The following NECAB1 variants were observed in gnomAD, a reference collection of about 807,000 sequenced individuals.
NECAB1 encodes the protein N-terminal EF-hand calcium binding protein 1, also known as N-terminal EF-hand calcium-binding protein 1.
In NECAB1, 29 loss-of-function variants were observed where a neutral mutation model predicts 57.5. The observed-to-expected ratio is 0.50, with a 90% confidence interval of 0.38 to 0.69. NECAB1 has a LOEUF of 0.69. NECAB1 is among the 30% of genes least tolerant of loss of function. The probability of loss-of-function intolerance (pLI) is 0.00; values close to 1 mark genes in which losing one functional copy is unlikely to be tolerated. For missense variants in NECAB1, 372 were observed against 413.8 expected, an observed-to-expected ratio of 0.90 and a Z score of 0.88; for synonymous variants, 142 against 147.7, an observed-to-expected ratio of 0.96 and a Z score of 0.28.
At chr8:90,884,305 A>T (rs753045360) in intron 5 of NECAB1, among the ~76,000 whole-genome samples, 10 of 152,116 alleles carry the variant, frequency 6.6e-5, no homozygotes, top group Non-Finnish European at 1.0e-4. Context: ...AGATCCCTTT[A>T]TCTCAATCTT....
At chr8:90,908,832 G>T (rs1391471204) in intron 5 of NECAB1, among the ~76,000 whole-genome samples, 3 of 152,030 alleles carry the variant, frequency 2.0e-5, no homozygotes, top group Non-Finnish European at 4.4e-5. Flanking sequence ...GATCCTTCTA[G>T]TAGTCACTTC....
chr8:90,902,303 C>A (rs1050004364), intron 5 of NECAB1, among the ~76,000 whole-genome samples: 1 of 152,048 alleles, frequency 6.6e-6, no homozygotes, highest in Non-Finnish European at 1.5e-5. Flanking sequence ...GCCTGTAGTC[C>A]CAACTATTCG....
intron 2 of NECAB1, among the ~76,000 whole-genome samples, chr8:90,803,383 T>G (rs1198128553): frequency 6.6e-6 from 1 of 152,090 alleles, no homozygotes; most frequent in African/African-American, 2.4e-5. Flanking sequence ...TTTTGCTCCC[T>G]CTCCACCCAA....
intron 5 of NECAB1, among the ~76,000 whole-genome samples, chr8:90,915,341 CTCAT>C (rs1809925426): frequency 1.3e-5 from 2 of 151,932 alleles, no homozygotes; most frequent in Admixed American, 1.3e-4. Flanking sequence ...ATTTTAAAAA[CTCAT>C]TCAGAGAGAA....
chr8:90,891,586 C>T (rs913829773), intron 5 of NECAB1, among the ~76,000 whole-genome samples: 2 of 151,734 alleles, frequency 1.3e-5, no homozygotes, highest in Non-Finnish European at 2.9e-5. Context: ...TAAAAAATGT[C>T]ATTCTTGATC....
At chr8:90,880,469 A>G (rs1586080068) in intron 4 of NECAB1, among the ~76,000 whole-genome samples, 2 of 151,892 alleles carry the variant, frequency 1.3e-5, no homozygotes, top group Admixed American at 1.3e-4. Context: ...AATCCACTAT[A>G]TTATTTATTC....
At chr8:90,925,938 C>A (rs367789804) in intron 7 of NECAB1, among the ~76,000 whole-genome samples, 2 of 152,090 alleles carry the variant, frequency 1.3e-5, no homozygotes, top group African/African-American at 4.8e-5. Flanking sequence ...AAAGACTTGA[C>A]GTCTATAAGG....
At chr8:90,824,639 G>C (rs907490338) in intron 2 of NECAB1, 78 bp from the exon 3 acceptor site, 1 of 879,300 alleles carries the variant, frequency 1.1e-6, no homozygotes. Context: ...CAAGCGTTTG[G>C]GTGAAGTTTT....
At chr8:90,954,914 A>G (rs576577809) in intron 12 of NECAB1, among the ~76,000 whole-genome samples, 1 of 148,024 alleles carries the variant, frequency 6.8e-6, no homozygotes, top group South Asian at 2.1e-4. Flanking sequence ...ATGTATGTGT[A>G]TACAAATGCA....
chr8:90,881,400 A>G (rs1808833961), intron 5 of NECAB1, among the ~76,000 whole-genome samples: 1 of 152,172 alleles, frequency 6.6e-6, no homozygotes, highest in South Asian at 2.1e-4. Context: ...ACTAAGTAGT[A>G]TGTTTTGGAT....
chr8:90,872,239 T>A, intron 4 of NECAB1, 86 bp downstream of exon 4: 1 of 1,053,892 alleles, frequency 9.5e-7, no homozygotes, highest in Non-Finnish European at 1.4e-6. Context: ...ACCTTGGAAT[T>A]AATGTTGTAT....
intron 5 of NECAB1, among the ~76,000 whole-genome samples, chr8:90,901,252 T>A (rs999525180): frequency 3.0e-5 from 4 of 134,280 alleles, no homozygotes; most frequent in Non-Finnish European, 4.7e-5. Flanking sequence ...AAAAAAAAAA[T>A]GGTGTTTATA....
intron 2 of NECAB1, 98 bp downstream of exon 2, chr8:90,801,813 T>G (rs1811763371): frequency 1.2e-6 from 1 of 829,028 alleles, no homozygotes; most frequent in Non-Finnish European, 1.9e-6. Flanking sequence ...CCGGGAAAAT[T>G]ACATATAAAA....
chr8:90,840,059 A>G (rs1212711576), intron 3 of NECAB1, among the ~76,000 whole-genome samples: 1 of 152,188 alleles, frequency 6.6e-6, no homozygotes, highest in African/African-American at 2.4e-5. Context: ...CTGATCTGGA[A>G]AGCTTTTGAA....
intron 5 of NECAB1, among the ~76,000 whole-genome samples, chr8:90,916,413 A>G (rs1223843031): frequency 6.6e-6 from 1 of 152,222 alleles, no homozygotes; most frequent in Non-Finnish European, 1.5e-5. Flanking sequence ...CAGGAAGGTT[A>G]GATACCTAAA....
chr8:90,913,267 G>A lies in NECAB1; in HGVS notation c.358-4225G>A, dbSNP rs567369842. Among the ~76,000 whole-genome samples the A allele has an allele frequency of 2.6e-5, 4 of 152,282 alleles. No individual in the cohort carries two copies. The South Asian group carries it at 8.3e-4, about 32-fold the overall frequency. ...GTTCCAGCTCCACCAAAGGAAATGT[G>A]TAGATTGAAATGTTTACATTTTGGC... On this transcript the variant is annotated intron_variant, in intron 5 of 12. Transcript: ENST00000417640.
At chr8:90,855,103 CTG>C (rs1812769490) in intron 3 of NECAB1, among the ~76,000 whole-genome samples, 1 of 152,180 alleles carries the variant, frequency 6.6e-6, no homozygotes, top group African/African-American at 2.4e-5. Context: ...GCACAGGTCA[CTG>C]TATCTTGGGC....
At chr8:90,954,674 TAC>T (rs1435186005) in intron 12 of NECAB1, among the ~76,000 whole-genome samples, 1 of 151,828 alleles carries the variant, frequency 6.6e-6, no homozygotes, top group East Asian at 1.9e-4. Context: ...AATTTTAACA[TAC>T]AGATATACTA....
intron 8 of NECAB1, 38 bp downstream of exon 8, chr8:90,928,337 T>TC: frequency 6.8e-7 from 1 of 1,471,010 alleles, no homozygotes. Flanking sequence ...CTTCCACTCT[T>TC]CAAGATATTG....
Sources: allele counts gnomAD v4.1 joint callset (sites outside exome capture counted in the v4.1 genomes callset), GRCh38; gene constraint gnomAD v4.1.1; transcripts MANE v1.5; gene names NCBI Gene and HGNC (gene_info 2026-07-23, HGNC 2026-07-21).